ACACA: variants seen among roughly 807,000 people sequenced by gnomAD.
ACACA encodes the protein acetyl-CoA carboxylase alpha.
Under a neutral mutation model 296.1 loss-of-function variants are expected in ACACA, and 103 were observed. That is an observed-to-expected ratio of 0.35 (90% CI 0.30 to 0.41). The LOEUF is 0.41. ACACA is among the 10% of genes least tolerant of loss of function. The pLI, the probability that ACACA is intolerant of heterozygous loss-of-function variation, is 1.00. For synonymous variants in ACACA, 953 were observed against 1,038.6 expected, an observed-to-expected ratio of 0.92 and a Z score of 1.58; for missense variants, 1,554 against 2,989.7, an observed-to-expected ratio of 0.52 and a Z score of 11.20.
intron 42 of ACACA, among the ~76,000 whole-genome samples, chr17:37,161,022 G>A (rs886529288): frequency 6.6e-6 from 1 of 152,164 alleles, no homozygotes; most frequent in Non-Finnish European, 1.5e-5. Context: ...AAGAAGTCAA[G>A]GATCCAAGAG....
At chr17:37,352,873 A>T (rs2147498802) in intron 1 of ACACA, among the ~76,000 whole-genome samples, 1 of 152,362 alleles carries the variant, frequency 6.6e-6, no homozygotes, top group Admixed American at 6.5e-5. Flanking sequence ...TAAAGCAAAA[A>T]TTCCTAATTC....
At chr17:37,140,171 T>G (rs185652806) in intron 45 of ACACA, among the ~76,000 whole-genome samples, 1 of 152,334 alleles carries the variant, frequency 6.6e-6, no homozygotes, top group East Asian at 1.9e-4. Flanking sequence ...ACAACAATTG[T>G]GTGGTTGAAC....
Position 37,206,819 on chromosome 17 carries a change from A to G in ACACA, c.3912T>C (p.Pro1304=). The G allele has an allele frequency of 6.2e-7, 1 of 1,613,798 alleles. No homozygotes were observed. Among genetic ancestry groups the G allele is most frequent in the Non-Finnish European group, 8.5e-7 (1 of 1,179,670 alleles). ...SDSPPQSPTF[P]EAGHTSLYDE... ...CATAAAGAGACGTGTGACCTGCCTCAGGGAATGTGGGACTCTGGGGTGGGG... is the reference window on the plus strand; with the variant it reads ...CATAAAGAGACGTGTGACCTGCCTCGGGGAATGTGGGACTCTGGGGTGGGG... The change falls in exon 32 of 56, where the codon CCT becomes CCC. Residue 1304 remains proline (P), a synonymous_variant. Coordinates refer to ENST00000616317, the MANE Select transcript of ACACA (RefSeq NM_198834.3).
intron 6 of ACACA, 26 bp downstream of exon 6, chr17:37,277,870 T>A: frequency 6.4e-7 from 1 of 1,566,476 alleles, no homozygotes; most frequent in Non-Finnish European, 8.8e-7. Flanking sequence ...GAATTTGGTT[T>A]TAAAGGACAC....
intron 50 of ACACA, among the ~76,000 whole-genome samples, chr17:37,116,661 A>G (rs1018973326): frequency 4.6e-5 from 7 of 152,210 alleles, no homozygotes; most frequent in Non-Finnish European, 8.8e-5. Flanking sequence ...AGGCTATTAA[A>G]ATATAAACAA....
At chr17:37,249,631 G>T (rs1417700310) in intron 16 of ACACA, among the ~76,000 whole-genome samples, 1 of 151,918 alleles carries the variant, frequency 6.6e-6, no homozygotes, top group African/African-American at 2.4e-5. Flanking sequence ...TTTCACATGT[G>T]GAACAAAACA....
rs1170171318 is a variant in ACACA at position 37,260,282 on chromosome 17, ATATATATATATATATTTTTT to A, written c.1330-772_1330-753del. On this transcript the variant is annotated intron_variant, in intron 11 of 55. Transcript: ENST00000616317. Reference sequence around the variant, plus strand: ...TATATATATATATATATATATATATATATATATATATATATTTTTTTTTTTTTTTTTTTTGGAGATGGAGT... The same window carrying A: ...TATATATATATATATATATATATATATTTTTTTTTTTTTTGGAGATGGAGT... 4.8e-4 allele frequency among the ~76,000 whole-genome samples: 17 copies of A among 35,604 alleles called. 1 individual carries two copies. Among genetic ancestry groups the A allele is most frequent in the African/African-American group, 1.8e-3 (12 of 6,716 alleles). The allele number at this position is 35,604 out of a possible 152,430, so 23.4% of individuals were successfully genotyped here. A position where few individuals can be genotyped will look rare whatever the true frequency, so the allele number is the denominator to read the frequency against.
intron 29 of ACACA, among the ~76,000 whole-genome samples, chr17:37,213,193 A>C (rs571279633): frequency 6.6e-6 from 1 of 151,884 alleles, no homozygotes; most frequent in South Asian, 2.1e-4. Flanking sequence ...ACGCACACAA[A>C]TATAAAAGTT....
At chr17:37,305,892 GTTTTT>G (rs1202121523) in intron 3 of ACACA, among the ~76,000 whole-genome samples, 2 of 128,776 alleles carry the variant, frequency 1.6e-5, no homozygotes, top group East Asian at 2.4e-4. Flanking sequence ...AATTTTAGCA[GTTTTT>G]TTTTTTGTTT....
At chr17:37,288,029 T>C (rs1046195965) in intron 3 of ACACA, among the ~76,000 whole-genome samples, 16 of 152,194 alleles carry the variant, frequency 1.1e-4, no homozygotes, top group Non-Finnish European at 2.4e-4. Flanking sequence ...AGGAGAATGA[T>C]TTGTCTAAGG....
At position 37,193,383 on chromosome 17, in the gene ACACA, T is replaced by A; in HGVS notation, c.4191A>T (p.Ala1397=). 1 of 1,603,526 alleles carries A rather than the reference T, an allele frequency of 6.2e-7. No homozygotes were observed. The highest frequency in any genetic ancestry group is 1.3e-5 in the African/African-American group (1 of 74,770). Residue 1397 remains alanine, a synonymous_variant, in exon 36 of 56, where the codon GCA becomes GCT. Coordinates refer to ENST00000616317, the MANE Select transcript of ACACA (RefSeq NM_198834.3). ...AGAAATCAATCCTTACCTTATCCCT[T>A]GCTCGGAATGTAAAAAATTTAGGGA... ...REFPKFFTFR[A]RDKFEEDRIY...
At chr17:37,143,393 T>C (rs1367685401) in intron 45 of ACACA, among the ~76,000 whole-genome samples, 2 of 151,738 alleles carry the variant, frequency 1.3e-5, no homozygotes, top group Non-Finnish European at 2.9e-5. Context: ...ACCCCATATA[T>C]AACTTACATG....
At chr17:37,346,559 G>A (rs1045475897) in intron 1 of ACACA, among the ~76,000 whole-genome samples, 9 of 151,488 alleles carry the variant, frequency 5.9e-5, no homozygotes, top group African/African-American at 1.2e-4. Flanking sequence ...AAAATTAGCC[G>A]GGCGTGGTGG....
At chr17:37,360,339 A>T (rs2049356388) in intron 1 of ACACA, 1 of 152,244 alleles carries the variant, frequency 6.6e-6, no homozygotes, top group Admixed American at 6.6e-5. Context: ...GCCAGAGAGT[A>T]AAAAGTGAAT....
At chr17:37,335,788 TC>T (rs1377832766) in intron 2 of ACACA, among the ~76,000 whole-genome samples, 1 of 152,092 alleles carries the variant, frequency 6.6e-6, no homozygotes, top group Non-Finnish European at 1.5e-5. Flanking sequence ...TCAACTTAAC[TC>T]CCTAGCAGCA....
chr17:37,391,597 C>G, intron 1 of ACACA: 1 of 1,537,318 alleles, frequency 6.5e-7, no homozygotes, highest in Non-Finnish European at 9.0e-7. Context: ...ACATGAAGAA[C>G]TATACACTTG....
At position 37,271,471 on chromosome 17, in the gene ACACA, C is replaced by T. The variant is rs1158767723; in HGVS notation, c.1009-610G>A. Among the ~76,000 whole-genome samples, 5 of 151,300 alleles carry T rather than the reference C, an allele frequency of 3.3e-5. No individual in the cohort carries two copies. The East Asian group carries it at 7.9e-4, about 24-fold the overall frequency. ...TGGAGGTTGCAGTGAGCCAAGATCA[C>T]GCCATTGCACTCCAGCCTGGGCAAC... On this transcript the variant is annotated intron_variant, in intron 9 of 55. Coordinates refer to ENST00000616317, the MANE Select transcript of ACACA (RefSeq NM_198834.3).
At chr17:37,282,807 C>A (rs2082602907) in intron 5 of ACACA, among the ~76,000 whole-genome samples, 1 of 152,018 alleles carries the variant, frequency 6.6e-6, no homozygotes, top group Non-Finnish European at 1.5e-5. Flanking sequence ...GAATATGTAG[C>A]CGAATTTACA....
Position 37,406,478 on chromosome 17 carries a change from C to A in ACACA, c.-179G>T. ...CGGGGCCCGGACTGGAGAGGCGCCACGGCTCGCCGTCCCTGGGCCCAGTTC... is the reference window on the plus strand; with the variant it reads ...CGGGGCCCGGACTGGAGAGGCGCCAAGGCTCGCCGTCCCTGGGCCCAGTTC... On this transcript the variant is annotated 5_prime_UTR_variant, in exon 1 of 56. Coordinates refer to ENST00000616317, the MANE Select transcript of ACACA (RefSeq NM_198834.3). 1.4e-6 allele frequency: 1 copy of A among 690,518 alleles called. No homozygotes were observed. 42.8% of individuals were successfully genotyped at this position (690,518 alleles called of 1,614,324 possible).
Sources: allele counts gnomAD v4.1 joint callset (sites outside exome capture counted in the v4.1 genomes callset), GRCh38; gene constraint gnomAD v4.1.1; transcripts MANE v1.5; gene names NCBI Gene and HGNC (gene_info 2026-07-23, HGNC 2026-07-21).